The following TLN2 variants were observed in gnomAD, a reference collection of about 807,000 sequenced individuals.
TLN2 encodes the protein talin 2, also known as talin-2.
A neutral mutation model predicts 294.7 loss-of-function variants in TLN2; 118 were observed. The observed-to-expected ratio is 0.40, with a 90% CI of 0.34 to 0.47. The LOEUF is 0.47. Among genes scored for constraint, TLN2 ranks in the 20% least tolerant of loss-of-function variants. TLN2 has a pLI of 0.84. For missense variants in TLN2, 3,083 were observed against 3,282.2 expected (o/e 0.94, Z 1.48); for synonymous variants, 1,431 against 1,304.5 (o/e 1.10, Z -2.09).
At chr15:62,775,108 C>A (rs572246240) in intron 42 of TLN2, among the ~76,000 whole-genome samples, 1 of 152,120 alleles carries the variant, frequency 6.6e-6, no homozygotes, top group South Asian at 2.1e-4. Context: ...AGGCGCCCGC[C>A]ACCACACCTG....
In TLN2 at chr15:62,712,217, C is replaced by T. The variant is rs999668733; in HGVS notation, c.2634+140C>T. The T allele has an allele frequency of 2.9e-6, 3 of 1,047,062 alleles. No homozygotes were observed. The Admixed American group carries it at 8.2e-5, about 28-fold the overall frequency. 64.9% of individuals were successfully genotyped at this position (1,047,062 alleles called of 1,614,324 possible). A position where few individuals can be genotyped will look rare whatever the true frequency, so the allele number is the denominator to read the frequency against. On this transcript the variant is annotated intron_variant, in intron 22 of 58. Coordinates refer to ENST00000636159, the MANE Select transcript of TLN2 (RefSeq NM_015059.3). ...CCTATATGGCTTGTAACATCTAACC[C>T]TGTTCTTGTGGCAAAGGCGGTAATG...
intron 1 of TLN2, among the ~76,000 whole-genome samples, chr15:62,565,002 C>A (rs979765721): frequency 6.6e-6 from 1 of 151,142 alleles, no homozygotes; most frequent in Non-Finnish European, 1.5e-5. Context: ...CCCATTGTTG[C>A]CTGCATAATT....
chr15:62,792,502 C>G, intron 45 of TLN2, 139 bp from the exon 46 acceptor site: 4 of 1,185,508 alleles, frequency 3.4e-6, no homozygotes, highest in South Asian at 1.6e-5. Context: ...CATACTTCAC[C>G]AAACACAGAC....
At chr15:62,466,313 A>G (rs2037132686) in intron 1 of TLN2, among the ~76,000 whole-genome samples, 1 of 152,218 alleles carries the variant, frequency 6.6e-6, no homozygotes, top group Non-Finnish European at 1.5e-5. Flanking sequence ...ACTTTGTTCT[A>G]GTCTTCTTCC....
intron 1 of TLN2, among the ~76,000 whole-genome samples, chr15:62,411,717 G>A (rs892300625): frequency 1.1e-4 from 16 of 152,088 alleles, no homozygotes; most frequent in African/African-American, 3.9e-4. Flanking sequence ...GGGCTGCCAG[G>A]ACTTAGGCCC....
At chr15:62,811,495 G>A (rs1225770645) in intron 52 of TLN2, among the ~76,000 whole-genome samples, 1 of 152,164 alleles carries the variant, frequency 6.6e-6, no homozygotes, top group Non-Finnish European at 1.5e-5. Context: ...TATATTCTGA[G>A]TCATATAGAA....
At chr15:62,715,393 A>G (rs2059700911) in intron 22 of TLN2, among the ~76,000 whole-genome samples, 1 of 152,262 alleles carries the variant, frequency 6.6e-6, no homozygotes, top group Admixed American at 6.5e-5. Context: ...GACATCAAGC[A>G]CATGTTACAA....
chr15:62,689,475 GTTC>G (rs1256419176), intron 12 of TLN2, among the ~76,000 whole-genome samples: 1 of 152,084 alleles, frequency 6.6e-6, no homozygotes, highest in Non-Finnish European at 1.5e-5. Flanking sequence ...CTACCCCATT[GTTC>G]TTCTTGCCTT....
chr15:62,443,169 G>A lies in TLN2; in HGVS notation c.-238+52484G>A, dbSNP rs530838113. On this transcript the variant is annotated intron_variant, in intron 1 of 58. Transcript: ENST00000636159. Reference sequence around the variant, plus strand: ...TAAGATACCATTCACAGGTTCTGAGGATTGGGGTGTGAATATTGTTGGGGG... The same window carrying A: ...TAAGATACCATTCACAGGTTCTGAGAATTGGGGTGTGAATATTGTTGGGGG... Among the ~76,000 whole-genome samples the A allele has an allele frequency of 2.0e-5, 3 of 152,342 alleles. No homozygotes were observed. The South Asian group carries it at 6.2e-4, about 32-fold the overall frequency.
intron 1 of TLN2, among the ~76,000 whole-genome samples, chr15:62,545,951 G>A (rs2041972583): frequency 6.6e-6 from 1 of 152,156 alleles, no homozygotes; most frequent in South Asian, 2.1e-4. Flanking sequence ...CCAGGTCTTT[G>A]GACTGTATTT....
intron 2 of TLN2, among the ~76,000 whole-genome samples, chr15:62,593,009 A>G (rs1268547095): frequency 6.6e-6 from 1 of 152,240 alleles, no homozygotes; most frequent in Non-Finnish European, 1.5e-5. Context: ...TCTATTTTCA[A>G]TGAAAAATAT....
chr15:62,570,846 C>T (rs919434123), intron 1 of TLN2, among the ~76,000 whole-genome samples: 5 of 151,922 alleles, frequency 3.3e-5, no homozygotes, highest in African/African-American at 1.2e-4. Flanking sequence ...CAATCTTCTC[C>T]AAGGTGGTAA....
At chr15:62,627,017 G>A (rs1473410812) in intron 3 of TLN2, among the ~76,000 whole-genome samples, 1 of 152,190 alleles carries the variant, frequency 6.6e-6, no homozygotes, top group Non-Finnish European at 1.5e-5. Context: ...ATAGGATTGT[G>A]GATATATTGC....
chr15:62,746,598 A>C (rs1031714769), intron 32 of TLN2, among the ~76,000 whole-genome samples: 9 of 152,230 alleles, frequency 5.9e-5, no homozygotes, highest in Non-Finnish European at 1.2e-4. Context: ...CATTGGCAAC[A>C]TCATTTTCTG....
At chr15:62,820,102 C>G (rs1004550739) in intron 53 of TLN2, among the ~76,000 whole-genome samples, 1 of 152,120 alleles carries the variant, frequency 6.6e-6, no homozygotes, top group Non-Finnish European at 1.5e-5. Context: ...TCCTGGGTTC[C>G]AGGGAGAAGA....
At chr15:62,520,290 T>G (rs1262400710) in intron 1 of TLN2, among the ~76,000 whole-genome samples, 1 of 152,228 alleles carries the variant, frequency 6.6e-6, no homozygotes, top group African/African-American at 2.4e-5. Flanking sequence ...AAGTCTTCAT[T>G]GTTGTACAGT....
chr15:62,635,428 A>T (rs968554605), intron 3 of TLN2, among the ~76,000 whole-genome samples: 2 of 152,242 alleles, frequency 1.3e-5, no homozygotes, highest in Non-Finnish European at 2.9e-5. Flanking sequence ...ATTAAAAACA[A>T]TGTAAAGAGT....
At chr15:62,633,526 A>G (rs933721554) in intron 3 of TLN2, among the ~76,000 whole-genome samples, 3 of 152,178 alleles carry the variant, frequency 2.0e-5, no homozygotes, top group African/African-American at 4.8e-5. Context: ...GCTGGTCTCG[A>G]ACTCCTGGAC....
At chr15:62,641,963 G>T (rs1049423395) in intron 3 of TLN2, among the ~76,000 whole-genome samples, 2 of 152,194 alleles carry the variant, frequency 1.3e-5, no homozygotes, top group Admixed American at 6.5e-5. Flanking sequence ...GTGATCCTGA[G>T]CAGCCTGCAC....
Sources: gnomAD v4.1 joint callset for allele counts (sites outside exome capture counted in the v4.1 genomes callset) on GRCh38, gnomAD v4.1.1 for gene constraint, MANE v1.5 for transcripts, NCBI Gene and HGNC (gene_info 2026-07-23, HGNC 2026-07-21) for gene names.